Variants in PTPRO observed in about 807,000 individuals in gnomAD.
PTPRO encodes the protein protein tyrosine phosphatase receptor type O, also known as receptor-type tyrosine-protein phosphatase O.
PTPRO carries 62 observed loss-of-function variants against 145.2 expected under a neutral mutation model. That is an observed-to-expected ratio of 0.43 (90% confidence interval 0.35 to 0.53). The LOEUF is 0.53. PTPRO is among the 20% of genes least tolerant of loss of function. The probability of loss-of-function intolerance (pLI) is 0.01; values close to 1 mark genes in which losing one functional copy is unlikely to be tolerated. For synonymous variants in PTPRO, 565 were observed against 514.7 expected (o/e 1.10, Z -1.32); for missense variants, 1,345 against 1,482.7 (o/e 0.91, Z 1.53).
chr12:15,461,878 T>G (rs10744088), intron 1 of PTPRO, among the ~76,000 whole-genome samples: 133,366 of 151,994 alleles, frequency 0.88, 60,663 homozygotes, highest in Non-Finnish European at 0.99. Context: ...CTACAGCATT[T>G]TAACTAGTCT....
At chr12:15,571,932 A>C (rs1473192247) in intron 19 of PTPRO, among the ~76,000 whole-genome samples, 1 of 152,218 alleles carries the variant, frequency 6.6e-6, no homozygotes, top group African/African-American at 2.4e-5. Flanking sequence ...GCAGAATTAT[A>C]AATTTTATGT....
intron 1 of PTPRO, among the ~76,000 whole-genome samples, chr12:15,469,146 C>T (rs909720741): frequency 2.6e-5 from 4 of 152,188 alleles, no homozygotes; most frequent in Non-Finnish European, 5.9e-5. Flanking sequence ...TGAACTCATC[C>T]ATTCCGAAAT....
intron 23 of PTPRO, among the ~76,000 whole-genome samples, chr12:15,586,439 G>C (rs12579694): frequency 3.3e-5 from 5 of 152,202 alleles, no homozygotes; most frequent in Non-Finnish European, 5.9e-5. Context: ...CAACCTCTTA[G>C]GCATTTTCTA....
At chr12:15,583,420 A>G (rs1403912039) in intron 23 of PTPRO, among the ~76,000 whole-genome samples, 1 of 152,006 alleles carries the variant, frequency 6.6e-6, no homozygotes, top group Non-Finnish European at 1.5e-5. Context: ...TGGAGGTTGC[A>G]GTGAGCCAAG....
chr12:15,356,428 T>C (rs1299752985), intron 1 of PTPRO, among the ~76,000 whole-genome samples: 1 of 152,202 alleles, frequency 6.6e-6, no homozygotes, highest in African/African-American at 2.4e-5. Context: ...AAATATCTCA[T>C]ATTTGCTGAT....
intron 1 of PTPRO, among the ~76,000 whole-genome samples, chr12:15,441,546 T>A (rs530740019): frequency 1.3e-5 from 2 of 152,208 alleles, no homozygotes; most frequent in African/African-American, 4.8e-5. Flanking sequence ...CAAAAATTCA[T>A]ACAAAGTATC....
chr12:15,517,684 G>T (rs1231436266), intron 9 of PTPRO, among the ~76,000 whole-genome samples: 3 of 152,196 alleles, frequency 2.0e-5, no homozygotes, highest in African/African-American at 7.2e-5. Flanking sequence ...AGAGGCTACA[G>T]GCCCCATGCA....
chr12:15,520,882 ATC>A (rs1420917804), intron 10 of PTPRO, among the ~76,000 whole-genome samples: 2 of 152,296 alleles, frequency 1.3e-5, no homozygotes, highest in African/African-American at 4.8e-5. Context: ...AGTATCAGTT[ATC>A]TGTTATTATT....
At chr12:15,418,522 CACACAAGAACTAGAAAAG>C (rs1319243161) in intron 1 of PTPRO, among the ~76,000 whole-genome samples, 2 of 151,638 alleles carry the variant, frequency 1.3e-5, no homozygotes, top group Non-Finnish European at 2.9e-5. Context: ...AGAGAACAAT[CACACAAGAACTAGAAAAG>C]ACAAGGAAGG....
chr12:15,502,133 T>G, intron 5 of PTPRO, 70 bp downstream of exon 5: 2 of 1,468,200 alleles, frequency 1.4e-6, no homozygotes, highest in East Asian at 2.3e-5. Flanking sequence ...GTTTTTAAAT[T>G]TGAGTTTAGA....
intron 17 of PTPRO, among the ~76,000 whole-genome samples, chr12:15,564,031 G>A (rs1943839709): frequency 1.3e-5 from 2 of 152,126 alleles, no homozygotes; most frequent in Non-Finnish European, 2.9e-5. Flanking sequence ...GTTCCCAAAT[G>A]CCTATAAGAT....
At chr12:15,593,097 A>G (rs1944586502) in intron 25 of PTPRO, among the ~76,000 whole-genome samples, 1 of 152,230 alleles carries the variant, frequency 6.6e-6, no homozygotes, top group Non-Finnish European at 1.5e-5. Context: ...CTGTGTTGAC[A>G]TAACACCAGA....
intron 1 of PTPRO, among the ~76,000 whole-genome samples, chr12:15,393,049 A>G (rs1405688819): frequency 6.6e-6 from 1 of 152,168 alleles, no homozygotes; most frequent in Non-Finnish European, 1.5e-5. Context: ...GTCTTAACCA[A>G]CTAGCCAAAC....
intron 1 of PTPRO, among the ~76,000 whole-genome samples, chr12:15,355,775 A>G (rs924255243): frequency 2.0e-5 from 3 of 152,236 alleles, no homozygotes; most frequent in Admixed American, 6.5e-5. Context: ...TTGTAAGTAT[A>G]AACTAAAGTT....
chr12:15,326,393 C>T (rs1866448233), intron 1 of PTPRO, among the ~76,000 whole-genome samples: 1 of 152,170 alleles, frequency 6.6e-6, no homozygotes, highest in Admixed American at 6.5e-5. Context: ...TACAGATGAT[C>T]GAGTAATAAT....
chr12:15,367,985 A>T (rs989415443), intron 1 of PTPRO, among the ~76,000 whole-genome samples: 1 of 152,182 alleles, frequency 6.6e-6, no homozygotes, highest in African/African-American at 2.4e-5. Context: ...GGCCATAAAG[A>T]CTGCTTACTT....
intron 1 of PTPRO, among the ~76,000 whole-genome samples, chr12:15,342,123 C>T (rs147649897): frequency 1.3e-5 from 2 of 152,104 alleles, no homozygotes; most frequent in African/African-American, 2.4e-5. Context: ...CACGGTAGTA[C>T]TTTCTTTTTC....
chr12:15,530,832 G>A (rs1433598036), intron 12 of PTPRO, among the ~76,000 whole-genome samples: 2 of 151,824 alleles, frequency 1.3e-5, no homozygotes, highest in Non-Finnish European at 2.9e-5. Context: ...AAAAGCAAAA[G>A]CAAACCAAAC....
Position 15,359,865 on chromosome 12 carries a change from T to C in PTPRO, c.75+37064T>C, listed in dbSNP as rs80345967. Among the ~76,000 whole-genome samples, 572 of 152,338 alleles carry C rather than the reference T, an allele frequency of 3.8e-3. 5 individuals carry two copies. Among genetic ancestry groups the C allele is most frequent in the African/African-American group, 0.011 (475 of 41,564 alleles). ...TCAGTTCATGTAGTTTGTCTTTCTA[T>C]CTTTCTAATCTTATCTTGAACAGCC... On this transcript the variant is annotated intron_variant, in intron 1 of 26. Transcript: ENST00000281171.
Sources: gnomAD v4.1 joint callset for allele counts (sites outside exome capture counted in the v4.1 genomes callset) on GRCh38, gnomAD v4.1.1 for gene constraint, MANE v1.5 for transcripts, NCBI Gene and HGNC (gene_info 2026-07-23, HGNC 2026-07-21) for gene names.